OSTN: variants seen among roughly 807,000 people sequenced by gnomAD.
OSTN encodes osteocrin.
A neutral mutation model predicts 12.0 loss-of-function variants in OSTN; 9 were observed. That is an observed-to-expected ratio of 0.75 (90% confidence interval 0.45 to 1.30). The LOEUF is 1.30. OSTN is among the 50% of genes most tolerant of loss of function. The pLI is 0.00. For missense variants in OSTN, 148 were observed against 152.3 expected (o/e 0.97, Z 0.15); for synonymous variants, 59 against 56.9 (o/e 1.04, Z -0.16).
intron 4 of OSTN, among the ~76,000 whole-genome samples, chr3:191,251,789 C>G (rs1179106504): frequency 6.6e-6 from 1 of 152,118 alleles, no homozygotes; most frequent in East Asian, 1.9e-4. Context: ...AGAGATATAC[C>G]AAGTATGGTC....
chr3:191,218,277 A>G (rs894163269), intron 2 of OSTN, among the ~76,000 whole-genome samples: 1 of 151,888 alleles, frequency 6.6e-6, no homozygotes, highest in Non-Finnish European at 1.5e-5. Context: ...CCCCTCTACT[A>G]TGTGTTTCAG....
chr3:191,232,331 TAAAAAAAAAAAAA>T lies in OSTN; in HGVS notation c.317+13388_317+13400del, dbSNP rs61313474. Reference sequence around the variant, plus strand: ...CTGGGTGACAGAGGGAGACTCTGTCTAAAAAAAAAAAAAAAAAAAAAAAAAAAAAATTGTTGTA... The same window carrying T: ...CTGGGTGACAGAGGGAGACTCTGTCTAAAAAAAAAAAAAAAAATTGTTGTA... On this transcript the variant is annotated intron_variant, in intron 3 of 4. Coordinates refer to ENST00000682035, the MANE Select transcript of OSTN (RefSeq NM_198184.2). Among the ~76,000 whole-genome samples, 190 of 67,486 alleles carry T rather than the reference TAAAAAAAAAAAAA, an allele frequency of 2.8e-3. 1 individual carries two copies. The highest frequency in any genetic ancestry group is 2.0e-3 in the Non-Finnish European group (80 of 39,222). 44.3% of individuals were successfully genotyped at this position (67,486 alleles called of 152,430 possible). A position where few individuals can be genotyped will look rare whatever the true frequency, so the allele number is the denominator to read the frequency against.
chr3:191,241,449 G>T (rs993124689), intron 3 of OSTN, among the ~76,000 whole-genome samples: 1 of 151,856 alleles, frequency 6.6e-6, no homozygotes, highest in Non-Finnish European at 1.5e-5. Flanking sequence ...CTCCCAAAGC[G>T]CTGGGATTAC....
intron 2 of OSTN, chr3:191,213,193 T>C (rs1714511845): frequency 6.6e-6 from 1 of 152,158 alleles, no homozygotes; most frequent in Non-Finnish European, 1.5e-5. Flanking sequence ...TTTGTAAACA[T>C]TTCATTTCTA....
chr3:191,237,509 C>G (rs893451471), intron 3 of OSTN, among the ~76,000 whole-genome samples: 1 of 152,148 alleles, frequency 6.6e-6, no homozygotes, highest in Non-Finnish European at 1.5e-5. Context: ...GAAGGCCAAG[C>G]AGGCATCTTG....
At chr3:191,220,388 G>A (rs947484908) in intron 3 of OSTN, among the ~76,000 whole-genome samples, 1 of 152,114 alleles carries the variant, frequency 6.6e-6, no homozygotes, top group Non-Finnish European at 1.5e-5. Context: ...TGGGTACTAT[G>A]TTAGGTTCTG....
intron 1 of OSTN, among the ~76,000 whole-genome samples, 181 bp from the exon 2 acceptor site, chr3:191,212,352 G>A (rs539948070): frequency 6.6e-6 from 1 of 152,152 alleles, no homozygotes; most frequent in South Asian, 2.1e-4. Flanking sequence ...GACAGAATTC[G>A]TTCTGGGAGA....
intron 3 of OSTN, among the ~76,000 whole-genome samples, chr3:191,230,101 T>G (rs575107898): frequency 9.2e-4 from 140 of 151,702 alleles, no homozygotes; most frequent in African/African-American, 3.2e-3. Flanking sequence ...AATAAATAAA[T>G]AACTTAGGAT....
At chr3:191,233,088 A>T (rs1021554057) in intron 3 of OSTN, among the ~76,000 whole-genome samples, 2 of 152,198 alleles carry the variant, frequency 1.3e-5, no homozygotes, top group African/African-American at 4.8e-5. Context: ...ATCAGAAAAG[A>T]AAAAGGAAAT....
In OSTN at chr3:191,258,045, C is replaced by T. The variant is rs954592844; in HGVS notation, c.*13-4821C>T. On this transcript the variant is annotated intron_variant, in intron 4 of 4. Transcript: ENST00000682035. The stretch of plus-strand genomic sequence containing the variant: ...TCTAAAAAGACAGATTGAAACTATG[C>T]CTTTGTAAATGGAAAAATTTAAGGC... Among the ~76,000 whole-genome samples the T allele has an allele frequency of 2.0e-5, 3 of 152,132 alleles. No homozygotes were observed. In the South Asian group the frequency reaches 6.2e-4, roughly 32 times the overall value.
chr3:191,264,125 A>T lies in OSTN; in HGVS notation c.*1272A>T, dbSNP rs1415451692. 6.6e-6 allele frequency: 1 copy of T among 152,142 alleles called. No homozygotes were observed. Among genetic ancestry groups the T allele is most frequent in the Admixed American group, 6.5e-5 (1 of 15,276 alleles). 9.4% of individuals were successfully genotyped at this position (152,142 alleles called of 1,614,324 possible). Reference sequence around the variant, plus strand: ...TTCAGCATAAAAAGAGAGTGTTGTGAGTTGTGAGAAGGTGTCTTAATTTTA... The same window carrying T: ...TTCAGCATAAAAAGAGAGTGTTGTGTGTTGTGAGAAGGTGTCTTAATTTTA... On this transcript the variant is annotated 3_prime_UTR_variant, in exon 5 of 5. Transcript: ENST00000682035.
chr3:191,216,329 G>T (rs1250873467), intron 2 of OSTN, among the ~76,000 whole-genome samples: 1 of 152,190 alleles, frequency 6.6e-6, no homozygotes, highest in Non-Finnish European at 1.5e-5. Context: ...GATGGGAGGG[G>T]CTGCCATGAA....
At chr3:191,212,216 T>A (rs1714476504) in intron 1 of OSTN, among the ~76,000 whole-genome samples, 1 of 152,232 alleles carries the variant, frequency 6.6e-6, no homozygotes, top group South Asian at 2.1e-4. Context: ...AATGTTGTAA[T>A]CTCTAGGTCT....
chr3:191,251,570 C>A (rs1220652594), intron 4 of OSTN, among the ~76,000 whole-genome samples: 1 of 152,170 alleles, frequency 6.6e-6, no homozygotes, highest in Non-Finnish European at 1.5e-5. Flanking sequence ...TGCTCTAAAA[C>A]CACAATAAAT....
chr3:191,205,443 AAT>A (rs1553816617), intron 1 of OSTN, among the ~76,000 whole-genome samples: 3 of 148,970 alleles, frequency 2.0e-5, no homozygotes, highest in Non-Finnish European at 1.5e-5. Context: ...AGTAAAAAAA[AAT>A]ATATATATAT....
At chr3:191,226,980 TA>T (rs1426920602) in intron 3 of OSTN, among the ~76,000 whole-genome samples, 1 of 152,090 alleles carries the variant, frequency 6.6e-6, no homozygotes. Flanking sequence ...AATTCAGACG[TA>T]AAATTTGAAT....
At chr3:191,214,436 CAAAAAAAAAAA>C (rs71298518) in intron 2 of OSTN, among the ~76,000 whole-genome samples, 2 of 19,346 alleles carry the variant, frequency 1.0e-4, no homozygotes, top group Admixed American at 8.4e-4. Flanking sequence ...GACTCCATCT[CAAAAAAAAAAA>C]AAAAAAAAAA....
intron 4 of OSTN, among the ~76,000 whole-genome samples, chr3:191,259,742 C>T (rs1715761321): frequency 6.6e-6 from 1 of 151,820 alleles, no homozygotes; most frequent in Non-Finnish European, 1.5e-5. Context: ...TATTGTTATT[C>T]CCTCAGGCAA....
At chr3:191,216,124 C>T (rs760463953) in intron 2 of OSTN, among the ~76,000 whole-genome samples, 2 of 151,980 alleles carry the variant, frequency 1.3e-5, no homozygotes, top group Non-Finnish European at 2.9e-5. Context: ...TACCAGCAGG[C>T]CCCCAAACAT....
Sources: allele counts gnomAD v4.1 joint callset (sites outside exome capture counted in the v4.1 genomes callset), GRCh38; gene constraint gnomAD v4.1.1; transcripts MANE v1.5; gene names NCBI Gene and HGNC (gene_info 2026-07-23, HGNC 2026-07-21).